ARSB: variants seen among roughly 807,000 people sequenced by gnomAD.
The protein encoded by ARSB is arylsulfatase B.
A neutral mutation model predicts 50.9 loss-of-function variants in ARSB; 41 were observed. The ratio of observed to expected loss-of-function variants is 0.81; its 90% CI spans 0.63 to 1.04. The LOEUF is 1.04. Ranked by LOEUF, ARSB falls within the 50% of genes least tolerant of loss-of-function variation. The pLI is 0.00. For synonymous variants in ARSB, 269 were observed against 284.8 expected, an observed-to-expected ratio of 0.94 and a Z score of 0.56; for missense variants, 672 against 693.3, an observed-to-expected ratio of 0.97 and a Z score of 0.35.
intron 6 of ARSB, among the ~76,000 whole-genome samples, chr5:78,815,231 T>A (rs1398716688): frequency 6.6e-6 from 1 of 150,814 alleles, no homozygotes; most frequent in African/African-American, 2.5e-5. Context: ...AAACTCCTAA[T>A]TAGAAGATCA....
chr5:78,881,860 C>CA (rs767040121), intron 5 of ARSB, among the ~76,000 whole-genome samples: 3 of 152,230 alleles, frequency 2.0e-5, no homozygotes, highest in Admixed American at 6.5e-5. Flanking sequence ...GGAGAAAAGG[C>CA]ATACAAATGT....
rs1310996698 is a variant in ARSB at position 78,780,442 on chromosome 5, GGGGTCCTGTGCAGGGAAGTACAC to G, written c.1534_1556del (p.Val512ProfsTer3). 3.1e-6 allele frequency: 5 copies of G among 1,614,008 alleles called. No homozygotes were observed. The highest frequency in any genetic ancestry group is 1.7e-5 in the Admixed American group (1 of 60,002). Reference sequence around the variant, plus strand: ...CCCCAGTGGCCTTGGGATCACAGCGGGGGTCCTGTGCAGGGAAGTACACGGGGACTGAGTGTTTATGGTAGAAC... The same window carrying G: ...CCCCAGTGGCCTTGGGATCACAGCGGGGGGACTGAGTGTTTATGGTAGAAC... On this transcript the variant is annotated frameshift_variant, in exon 8 of 8. Transcript: ENST00000264914. LOFTEE classifies it high-confidence loss of function.
chr5:78,828,930 A>G (rs543681001), intron 6 of ARSB, among the ~76,000 whole-genome samples: 2 of 152,354 alleles, frequency 1.3e-5, no homozygotes, highest in South Asian at 4.1e-4. Flanking sequence ...AAAGTTGAAG[A>G]AGGAGGCAGA....
At chr5:78,832,294 G>A (rs79019887) in intron 6 of ARSB, among the ~76,000 whole-genome samples, 2,517 of 152,270 alleles carry the variant, frequency 0.017, 72 homozygotes, top group African/African-American at 0.058. Flanking sequence ...AATGGTGGGC[G>A]TTGTAGGAGG....
intron 6 of ARSB, among the ~76,000 whole-genome samples, chr5:78,833,594 G>A (rs1744791994): frequency 6.6e-6 from 1 of 152,190 alleles, no homozygotes; most frequent in African/African-American, 2.4e-5. Flanking sequence ...AGCTAGGGTT[G>A]GGGCACTGAG....
At chr5:78,974,229 AT>A (rs1367603666) in intron 1 of ARSB, among the ~76,000 whole-genome samples, 1 of 152,244 alleles carries the variant, frequency 6.6e-6, no homozygotes, top group African/African-American at 2.4e-5. Flanking sequence ...ACAGACACGC[AT>A]TATGTGTGCT....
chr5:78,912,023 A>C (rs1749334334), intron 4 of ARSB, among the ~76,000 whole-genome samples: 1 of 152,234 alleles, frequency 6.6e-6, no homozygotes, highest in African/African-American at 2.4e-5. Context: ...AGTAAGGTCA[A>C]TTATCACATT....
chr5:78,961,231 G>A (rs1242326021), intron 3 of ARSB, among the ~76,000 whole-genome samples: 1 of 152,148 alleles, frequency 6.6e-6, no homozygotes, highest in East Asian at 1.9e-4. Context: ...GGATAAAATC[G>A]TGAAAAGCTC....
intron 6 of ARSB, among the ~76,000 whole-genome samples, chr5:78,800,595 A>G (rs755087116): frequency 1.1e-4 from 16 of 152,372 alleles, no homozygotes; most frequent in Admixed American, 4.6e-4. Context: ...CAGGAATTAC[A>G]GAAAAACATT....
intron 6 of ARSB, among the ~76,000 whole-genome samples, chr5:78,812,650 T>C (rs900270681): frequency 1.4e-5 from 2 of 143,624 alleles, no homozygotes; most frequent in African/African-American, 5.2e-5. Flanking sequence ...CAATTTAGCA[T>C]TAAATGCAGC....
At chr5:78,856,502 A>G (rs774318065) in intron 5 of ARSB, among the ~76,000 whole-genome samples, 10 of 152,240 alleles carry the variant, frequency 6.6e-5, no homozygotes, top group Non-Finnish European at 1.2e-4. Context: ...CTTTATCACA[A>G]TGACACAATT....
At position 78,976,710 on chromosome 5, in the gene ARSB, T is replaced by C. The variant is rs150565880; in HGVS notation, c.313-7518A>G. On this transcript the variant is annotated intron_variant, in intron 1 of 7. Transcript: ENST00000264914. The stretch of plus-strand genomic sequence containing the variant: ...CACATGGCACTTGACTGTATTTCCT[T>C]AAAATATGCCCATTTAGAACACTGT... 2.7e-3 allele frequency among the ~76,000 whole-genome samples: 409 copies of C among 152,318 alleles called. 3 individuals are homozygous for C. Among genetic ancestry groups the C allele is most frequent in the African/African-American group, 9.5e-3 (397 of 41,578 alleles).
At chr5:78,971,419 G>A (rs1343104107) in intron 1 of ARSB, among the ~76,000 whole-genome samples, 2 of 152,222 alleles carry the variant, frequency 1.3e-5, no homozygotes, top group East Asian at 3.8e-4. Flanking sequence ...GACACAGGAG[G>A]TAAGAGTGCC....
chr5:78,872,001 C>G (rs36189850), intron 5 of ARSB, among the ~76,000 whole-genome samples: 18,540 of 150,824 alleles, frequency 0.12, 1,332 homozygotes, highest in Middle Eastern at 0.21. Flanking sequence ...AAAAAGCGGG[C>G]GAAGGACATG....
intron 6 of ARSB, among the ~76,000 whole-genome samples, chr5:78,829,997 G>A (rs1744599956): frequency 6.6e-6 from 1 of 152,196 alleles, no homozygotes; most frequent in Admixed American, 6.5e-5. Flanking sequence ...ACCTGGGGAG[G>A]CTCCAGGGTG....
At chr5:78,923,213 T>C (rs1263665311) in intron 4 of ARSB, among the ~76,000 whole-genome samples, 1 of 152,142 alleles carries the variant, frequency 6.6e-6, no homozygotes, top group Non-Finnish European at 1.5e-5. Context: ...CTGGGACCCT[T>C]TGAGAATTCC....
At chr5:78,960,004 G>A (rs1006501130) in intron 3 of ARSB, among the ~76,000 whole-genome samples, 2 of 152,162 alleles carry the variant, frequency 1.3e-5, no homozygotes, top group Non-Finnish European at 2.9e-5. Flanking sequence ...TGCCATCACT[G>A]GAGCCTGATC....
At chr5:78,859,540 GA>G (rs941812162) in intron 5 of ARSB, among the ~76,000 whole-genome samples, 1 of 152,134 alleles carries the variant, frequency 6.6e-6, no homozygotes, top group African/African-American at 2.4e-5. Context: ...GGAAACTAAA[GA>G]GAAGACCATA....
At chr5:78,975,041 G>A (rs941092269) in intron 1 of ARSB, among the ~76,000 whole-genome samples, 4 of 152,182 alleles carry the variant, frequency 2.6e-5, no homozygotes, top group African/African-American at 9.7e-5. Context: ...TTTGCCAGGG[G>A]ATCCTAGGAG....
Sources: gnomAD v4.1 joint callset for allele counts (sites outside exome capture counted in the v4.1 genomes callset) on GRCh38, gnomAD v4.1.1 for gene constraint, MANE v1.5 for transcripts, NCBI Gene and HGNC (gene_info 2026-07-23, HGNC 2026-07-21) for gene names.